Variants in RERG observed in about 807,000 individuals in gnomAD.
RERG encodes the protein ras-related and estrogen-regulated growth inhibitor.
A neutral mutation model predicts 23.2 loss-of-function variants in RERG; 25 were observed. That is an observed-to-expected ratio of 1.08 (90% CI 0.79 to 1.50). The LOEUF (loss-of-function observed/expected upper bound fraction) is 1.50. Among genes scored for constraint, RERG ranks in the 40% most tolerant of loss-of-function variants. The probability of loss-of-function intolerance (pLI) is 0.00; values close to 1 mark genes in which losing one functional copy is unlikely to be tolerated. For missense variants in RERG, 253 were observed against 250.1 expected (o/e 1.01, Z -0.08); for synonymous variants, 81 against 89.1 (o/e 0.91, Z 0.51).
At chr12:15,119,369 G>C (rs1213396797) in intron 3 of RERG, among the ~76,000 whole-genome samples, 2 of 152,054 alleles carry the variant, frequency 1.3e-5, no homozygotes, top group Non-Finnish European at 2.9e-5. Context: ...TTAGGTACTG[G>C]AACACATTCA....
intron 2 of RERG, among the ~76,000 whole-genome samples, chr12:15,205,003 T>C (rs1024744085): frequency 1.3e-5 from 2 of 151,964 alleles, no homozygotes; most frequent in Non-Finnish European, 2.9e-5. Context: ...TAATGCATTG[T>C]GGTCATGTAA....
chr12:15,130,966 G>A (rs951054330), intron 2 of RERG, among the ~76,000 whole-genome samples: 2 of 151,922 alleles, frequency 1.3e-5, no homozygotes, highest in African/African-American at 4.8e-5. Context: ...ATCTGATCCT[G>A]GTAATTTGGT....
chr12:15,137,499 T>A (rs1466681931), intron 2 of RERG, among the ~76,000 whole-genome samples: 5 of 151,886 alleles, frequency 3.3e-5, no homozygotes, highest in Non-Finnish European at 5.9e-5. Context: ...CTGCGCATTT[T>A]ATTTGATTCT....
chr12:15,161,513 C>A (rs1864615166), intron 2 of RERG, among the ~76,000 whole-genome samples: 1 of 152,196 alleles, frequency 6.6e-6, no homozygotes, highest in African/African-American at 2.4e-5. Flanking sequence ...GTTCAGGAAC[C>A]AGCCAGATCC....
intron 2 of RERG, among the ~76,000 whole-genome samples, chr12:15,134,032 T>C (rs1864100400): frequency 6.6e-6 from 1 of 152,154 alleles, no homozygotes; most frequent in African/African-American, 2.4e-5. Context: ...GCCAATATTT[T>C]CTCCCAGTCT....
chr12:15,184,582 C>T (rs1294194980), intron 2 of RERG, among the ~76,000 whole-genome samples: 1 of 152,064 alleles, frequency 6.6e-6, no homozygotes, highest in Non-Finnish European at 1.5e-5. Flanking sequence ...CACTGAGATC[C>T]GGATCATTAT....
chr12:15,128,291 G>GT (rs926168858), intron 2 of RERG, among the ~76,000 whole-genome samples: 1 of 152,086 alleles, frequency 6.6e-6, no homozygotes, highest in Admixed American at 6.5e-5. Flanking sequence ...GAAGATTTTT[G>GT]TTTTTTTCTT....
intron 2 of RERG, among the ~76,000 whole-genome samples, chr12:15,175,333 C>CTGTG (rs532399275): frequency 0.13 from 14,437 of 112,070 alleles, 1,005 homozygotes; most frequent in Non-Finnish European, 0.16. Flanking sequence ...CTCTCAGGCT[C>CTGTG]TGTGTGTGTG....
intron 2 of RERG, among the ~76,000 whole-genome samples, chr12:15,201,906 G>A (rs997024610): frequency 1.3e-5 from 2 of 151,642 alleles, no homozygotes; most frequent in Non-Finnish European, 3.0e-5. Flanking sequence ...TTAATAAGTG[G>A]TCTGTCTTAT....
intron 2 of RERG, among the ~76,000 whole-genome samples, chr12:15,151,149 T>G (rs1864435269): frequency 6.6e-6 from 1 of 152,156 alleles, no homozygotes; most frequent in African/African-American, 2.4e-5. Flanking sequence ...TGACTATGGG[T>G]GATTTTTTTC....
chr12:15,125,925 A>G (rs1320572196), intron 2 of RERG, among the ~76,000 whole-genome samples: 1 of 151,484 alleles, frequency 6.6e-6, no homozygotes, highest in Admixed American at 6.6e-5. Context: ...AATACAATGT[A>G]TGTATATTGG....
chr12:15,175,785 TCAAA>T (rs1311979646), intron 2 of RERG, among the ~76,000 whole-genome samples: 1 of 152,062 alleles, frequency 6.6e-6, no homozygotes, highest in Non-Finnish European at 1.5e-5. Flanking sequence ...GTGAGATAGG[TCAAA>T]CAGTGACAGT....
At chr12:15,114,037 G>C (rs7138625) in intron 3 of RERG, among the ~76,000 whole-genome samples, 8,871 of 151,984 alleles carry the variant, frequency 0.058, 934 homozygotes, top group African/African-American at 0.2. Flanking sequence ...ATAATGAATG[G>C]TTCAATCAGT....
intron 2 of RERG, among the ~76,000 whole-genome samples, chr12:15,174,822 C>T (rs990172350): frequency 1.6e-4 from 25 of 151,708 alleles, no homozygotes; most frequent in Non-Finnish European, 4.4e-5. Flanking sequence ...ATAATTTTAT[C>T]TCTTTATTGA....
chr12:15,155,269 C>T (rs1414487189), intron 2 of RERG: 2 of 152,126 alleles, frequency 1.3e-5, no homozygotes, highest in African/African-American at 4.8e-5. Flanking sequence ...TGACCAGAAC[C>T]TGCCTGTTGG....
intron 2 of RERG, among the ~76,000 whole-genome samples, chr12:15,129,070 G>A (rs1863997494): frequency 6.6e-6 from 1 of 152,186 alleles, no homozygotes; most frequent in Admixed American, 6.5e-5. Flanking sequence ...GAGATCCCAG[G>A]ACCGAGTGAG....
intron 2 of RERG, among the ~76,000 whole-genome samples, chr12:15,180,206 A>G (rs1864905055): frequency 6.6e-6 from 1 of 152,202 alleles, no homozygotes; most frequent in Admixed American, 6.5e-5. Flanking sequence ...TTGGAATTTT[A>G]CTGCAAAGGG....
intron 2 of RERG, among the ~76,000 whole-genome samples, chr12:15,161,397 T>C (rs903988852): frequency 1.3e-5 from 2 of 152,150 alleles, no homozygotes; most frequent in African/African-American, 4.8e-5. Flanking sequence ...CTCTCCAGTC[T>C]CAGGAATAAT....
chr12:15,129,245 G>A (rs1183556202), intron 2 of RERG, among the ~76,000 whole-genome samples: 1 of 150,938 alleles, frequency 6.6e-6, no homozygotes, highest in Non-Finnish European at 1.5e-5. Context: ...TTCTGGAAGG[G>A]AATGGAAATG....
Sources: allele counts gnomAD v4.1 joint callset (sites outside exome capture counted in the v4.1 genomes callset), GRCh38; gene constraint gnomAD v4.1.1; transcripts MANE v1.5; gene names NCBI Gene and HGNC (gene_info 2026-07-23, HGNC 2026-07-21).